The following KCNG1 variants were observed in gnomAD, a reference collection of about 807,000 sequenced individuals.
KCNG1 encodes potassium voltage-gated channel modifier subfamily G member 1.
In KCNG1, 17 loss-of-function variants were observed where a neutral mutation model predicts 32.4. That is an observed-to-expected ratio of 0.52 (90% CI 0.36 to 0.79). The LOEUF is 0.79. Ranked by LOEUF, KCNG1 falls within the 30% of genes least tolerant of loss-of-function variation. The probability of loss-of-function intolerance (pLI) is 0.00; values close to 1 mark genes in which losing one functional copy is unlikely to be tolerated. For synonymous variants in KCNG1, 358 were observed against 339.9 expected (o/e 1.05, Z -0.59); for missense variants, 441 against 735.2 (o/e 0.60, Z 4.63).
Position 51,004,487 on chromosome 20 carries a change from G to T in KCNG1, c.1094C>A (p.Thr365Lys). Residue 365 changes from threonine (T) to lysine (K), a missense_variant, in exon 3 of 3, where the codon ACG (threonine) becomes AAG (lysine). Around this residue, in one of 6 missense-constraint regions of KCNG1, gnomAD observed 169 missense variants for 297.7 expected, o/e 0.57. Coordinates refer to ENST00000371571, the MANE Select transcript of KCNG1 (RefSeq NM_002237.4). The surrounding 1 kb of genome is among the most constrained non-coding windows in gnomAD (Gnocchi z 4.3). ...GCAGCGGCGGGCCGTGAGCCCCAGC[G>T]TCTGCAGCCCCAGGGAGTGGCGCGC... The part of the protein sequence containing the change: ...RLARHSLGLQ[T>K]LGLTARRCTR... 6.3e-7 allele frequency: 1 copy of T among 1,596,918 alleles called. No homozygotes were observed. The highest frequency in any genetic ancestry group is 8.5e-7 in the Non-Finnish European group (1 of 1,172,422).
chr20:51,017,808 C>A (rs1031718766), intron 1 of KCNG1, among the ~76,000 whole-genome samples: 5 of 152,092 alleles, frequency 3.3e-5, no homozygotes, highest in African/African-American at 1.2e-4. Flanking sequence ...GACTCCCCTG[C>A]CCAACGTGTC....
Position 51,014,425 on chromosome 20 carries a change from T to C in KCNG1, c.-26-4061A>G, listed in dbSNP as rs547021076. Among the ~76,000 whole-genome samples, 20 of 152,354 alleles carry C rather than the reference T, an allele frequency of 1.3e-4. No individual in the cohort carries two copies. In the South Asian group the frequency reaches 4.1e-3, roughly 32 times the overall value. ...TATTTCTCTGTGGTGTTAGTTCTGTTAGTTCTACAGCATGGTGGGTTTAAG... is the reference window on the plus strand; with the variant it reads ...TATTTCTCTGTGGTGTTAGTTCTGTCAGTTCTACAGCATGGTGGGTTTAAG... On this transcript the variant is annotated intron_variant, in intron 1 of 2. Coordinates refer to ENST00000371571, the MANE Select transcript of KCNG1 (RefSeq NM_002237.4).
intron 2 of KCNG1, among the ~76,000 whole-genome samples, chr20:51,009,015 T>C (rs17198430): frequency 2.6e-5 from 4 of 152,294 alleles, no homozygotes; most frequent in African/African-American, 9.6e-5. Flanking sequence ...TGTCAGGCCC[T>C]GGAGTAAATA....
In KCNG1 at chr20:51,015,705, G is replaced by A. The variant is rs1267035614; in HGVS notation, c.-26-5341C>T. Among the ~76,000 whole-genome samples, 15 of 152,212 alleles carry A rather than the reference G, an allele frequency of 9.9e-5. No individual in the cohort carries two copies. The highest frequency in any genetic ancestry group is 3.3e-4 in the Admixed American group (5 of 15,278). On this transcript the variant is annotated intron_variant, in intron 1 of 2. Transcript: ENST00000371571. This position sits in a 1 kb window ranked among gnomAD's most constrained non-coding sequence, Gnocchi z 4.4. ...GTCCTAATCCTAATCCCTGGAAGCT[G>A]TGACTACGTTAGACTGCATGGAAGG...
chr20:51,019,938 G>C (rs1988413156), intron 1 of KCNG1, among the ~76,000 whole-genome samples: 1 of 152,200 alleles, frequency 6.6e-6, no homozygotes, highest in South Asian at 2.1e-4. Context: ...CTGTGCCCTG[G>C]TGGAGAATAT....
chr20:51,009,718 C>T lies in KCNG1; in HGVS notation c.621G>A (p.Gly207=). 1.2e-6 allele frequency: 2 copies of T among 1,604,710 alleles called. No individual in the cohort carries two copies. The highest frequency in any genetic ancestry group is 1.7e-6 in the Non-Finnish European group (2 of 1,178,226). The change falls in exon 2 of 3, where the codon GGG becomes GGA. Residue 207 remains glycine (G), a synonymous_variant. Transcript: ENST00000371571. ...TGTCGCGCAGTCGCCGCATGCAGCG[C>T]CCCAGGCGGCCCTCGCCCTCGGCCG... ...EGPAEGEGRL[G]RCMRRLRDMV...
At chr20:51,011,907 G>A (rs1007454823) in intron 1 of KCNG1, among the ~76,000 whole-genome samples, 13 of 152,134 alleles carry the variant, frequency 8.5e-5, no homozygotes, top group Admixed American at 3.3e-4. Context: ...AGCAATTCTC[G>A]TGCCTCAGCC....
chr20:51,019,243 G>A (rs1228468352), intron 1 of KCNG1, among the ~76,000 whole-genome samples: 1 of 152,302 alleles, frequency 6.6e-6, no homozygotes, highest in East Asian at 1.9e-4. Context: ...TGGGCGCAGG[G>A]GCTTACGCCT....
At chr20:51,012,822 C>T (rs1387180147) in intron 1 of KCNG1, among the ~76,000 whole-genome samples, 1 of 152,198 alleles carries the variant, frequency 6.6e-6, no homozygotes, top group Non-Finnish European at 1.5e-5. Flanking sequence ...GCACATGCTC[C>T]AATCCACCAC....
Position 51,004,786 on chromosome 20 carries a change from G to A in KCNG1, c.795C>T (p.Cys265=). The change falls in exon 3 of 3, where the codon TGC becomes TGT. Residue 265 remains cysteine, a synonymous_variant. Transcript: ENST00000371571. The surrounding 1 kb of genome is among the most constrained non-coding windows in gnomAD (Gnocchi z 4.3). ...CCGACTCCACGATGAAGACGTTGTG[G>A]CACATCTGGGAACAGTGGCCCTGGG... ...EEEQGHCSQM[C]HNVFIVESVC... is the part of the protein sequence containing the mutation. 1 of 1,576,254 alleles carries A rather than the reference G, an allele frequency of 6.3e-7. No homozygotes were observed. The highest frequency in any genetic ancestry group is 8.6e-7 in the Non-Finnish European group (1 of 1,157,912).
At position 51,009,809 on chromosome 20, in the gene KCNG1, G is replaced by A; in HGVS notation, c.530C>T (p.Ala177Val). ...RRYLQKIEEF[A>V]EMVEREEEDD... ...CTCTTCCTCCCGCTCCACCATCTCC[G>A]CGAACTCCTCAATCTTCTGCAGGTA... Residue 177 changes from alanine to valine, a missense_variant, in exon 2 of 3, where the codon GCG (alanine) becomes GTG (valine). Ala to Val is a moderately conservative substitution (Grantham distance 64, BLOSUM62 0). Around this residue, in one of 6 missense-constraint regions of KCNG1, gnomAD observed 70 missense variants for 158.4 expected, o/e 0.44. Transcript: ENST00000371571. 6.2e-7 allele frequency: 1 copy of A among 1,612,816 alleles called. No homozygotes were observed. Among genetic ancestry groups the A allele is most frequent in the Non-Finnish European group, 8.5e-7 (1 of 1,179,910 alleles).
chr20:51,009,579 C>A lies in KCNG1; in HGVS notation c.760G>T (p.Glu254Ter). Reference protein sequence around the residue: ...LSVSTLPSLREEEEQGHCSQM... With the variant: ...LSVSTLPSLR ...TGGGCTCTTACCTGCTCCTCCTCCT[C>A]CCTCAGGCTGGGCAAGGTGCTGACG... is the stretch of plus-strand genomic sequence containing the variant. Residue 254 changes from glutamate to a stop codon, truncating the protein, a stop_gained, in exon 2 of 3, where the codon GAG becomes TAG. Coordinates refer to ENST00000371571, the MANE Select transcript of KCNG1 (RefSeq NM_002237.4). LOFTEE classifies it high-confidence loss of function. The A allele has an allele frequency of 6.2e-7, 1 of 1,605,330 alleles. No individual in the cohort carries two copies. The highest frequency in any genetic ancestry group is 8.5e-7 in the Non-Finnish European group (1 of 1,177,026).
In KCNG1 at chr20:51,009,417, C is replaced by A. The variant is rs1987966861; in HGVS notation, c.774+148G>T. On this transcript the variant is annotated intron_variant, in intron 2 of 2. Coordinates refer to ENST00000371571, the MANE Select transcript of KCNG1 (RefSeq NM_002237.4). Reference sequence around the variant, plus strand: ...CTCACATATTAACAGGGAGGCAGACCATGCACACAAACATTCCTGATGTCA... The same window carrying A: ...CTCACATATTAACAGGGAGGCAGACAATGCACACAAACATTCCTGATGTCA... 4 of 973,554 alleles carry A rather than the reference C, an allele frequency of 4.1e-6. No homozygotes were observed. In the South Asian group the frequency reaches 5.1e-5, roughly 12 times the overall value. The allele number at this position is 973,554 out of a possible 1,614,324, so 60.3% of individuals were successfully genotyped here.
intron 1 of KCNG1, among the ~76,000 whole-genome samples, chr20:51,018,912 G>C (rs1259783310): frequency 5.3e-5 from 8 of 152,172 alleles, no homozygotes; most frequent in Non-Finnish European, 1.2e-4. Flanking sequence ...CAGTGAGTCA[G>C]GGACTGGGTT....
rs561477343 is a variant in KCNG1 at position 51,016,398 on chromosome 20, T to C, written c.-26-6034A>G. 4.6e-5 allele frequency among the ~76,000 whole-genome samples: 7 copies of C among 151,876 alleles called. 1 individual carries two copies. In the South Asian group the frequency reaches 1.5e-3, roughly 32 times the overall value. ...GTTGCAGTGAGCGGAGATGGTGCCA[T>C]TGCACTCCAGCCTGGGCGACAGAGT... On this transcript the variant is annotated intron_variant, in intron 1 of 2. Coordinates refer to ENST00000371571, the MANE Select transcript of KCNG1 (RefSeq NM_002237.4).
intron 1 of KCNG1, among the ~76,000 whole-genome samples, chr20:51,013,194 C>T (rs1025173680): frequency 1.6e-4 from 25 of 152,142 alleles, no homozygotes; most frequent in African/African-American, 6.0e-4. Flanking sequence ...CCCAGCTACT[C>T]GGGAGGCTGA....
chr20:51,009,657 C>G lies in KCNG1; in HGVS notation c.682G>C (p.Val228Leu). 1 of 1,605,738 alleles carries G rather than the reference C, an allele frequency of 6.2e-7. No individual in the cohort carries two copies. Among genetic ancestry groups the G allele is most frequent in the Non-Finnish European group, 8.5e-7 (1 of 1,179,060 alleles). ...ERPHSGLPGKVFACLSVLFVT... is the reference protein window; with the variant it reads ...ERPHSGLPGKLFACLSVLFVT... ...AAGAGCACCGACAGGCAGGCGAACA[C>G]CTTGCCAGGCAGCCCCGAGTGCGGC... Residue 228 changes from valine (V) to leucine (L), a missense_variant, in exon 2 of 3, where the codon GTG becomes CTG. Coordinates refer to ENST00000371571, the MANE Select transcript of KCNG1 (RefSeq NM_002237.4).
At chr20:51,017,966 C>G (rs1293438564) in intron 1 of KCNG1, among the ~76,000 whole-genome samples, 11 of 152,192 alleles carry the variant, frequency 7.2e-5, no homozygotes, top group Non-Finnish European at 5.9e-5. Context: ...ACTCTCCTCG[C>G]AATTTTTCTA....
intron 1 of KCNG1, among the ~76,000 whole-genome samples, chr20:51,020,997 A>G (rs2123285450): frequency 6.6e-6 from 1 of 152,328 alleles, no homozygotes; most frequent in African/African-American, 2.4e-5. Context: ...TCTGCCTCCC[A>G]TGTCACATCT....
Sources: gnomAD v4.1 joint callset for allele counts (sites outside exome capture counted in the v4.1 genomes callset) on GRCh38, gnomAD v4.1.1 for gene constraint, gnomAD v4.1.1 regional missense constraint, Gnocchi (gnomAD v3.1) non-coding constraint, MANE v1.5 for transcripts, NCBI Gene and HGNC (gene_info 2026-07-23, HGNC 2026-07-21) for gene names.